FAM227B: variants seen among roughly 807,000 people sequenced by gnomAD.
FAM227B encodes the protein protein FAM227B.
A neutral mutation model predicts 73.8 loss-of-function variants in FAM227B; 88 were observed. That is an observed-to-expected ratio of 1.19 (90% CI 1.00 to 1.42). The LOEUF (loss-of-function observed/expected upper bound fraction) is 1.42. FAM227B is among the 40% of genes most tolerant of loss of function. FAM227B has a pLI of 0.00. For missense variants in FAM227B, 632 were observed against 590.9 expected, an observed-to-expected ratio of 1.07 and a Z score of -0.72; for synonymous variants, 210 against 190.5, an observed-to-expected ratio of 1.10 and a Z score of -0.84.
chr15:49,346,602 G>A (rs1216488065), intron 13 of FAM227B, among the ~76,000 whole-genome samples: 2 of 152,072 alleles, frequency 1.3e-5, no homozygotes, highest in Non-Finnish European at 2.9e-5. Context: ...CCTGGACCTC[G>A]GTGATAACAG....
chr15:49,558,224 T>C (rs2073923554), intron 9 of FAM227B, among the ~76,000 whole-genome samples: 1 of 152,140 alleles, frequency 6.6e-6, no homozygotes, highest in African/African-American at 2.4e-5. Context: ...ACACTGCTCC[T>C]TGCAAGGCAG....
chr15:49,328,270 G>C lies in FAM227B; in HGVS notation c.*298C>G. The C allele has an allele frequency of 6.9e-7, 1 of 1,450,956 alleles. No individual in the cohort carries two copies. Among genetic ancestry groups the C allele is most frequent in the Non-Finnish European group, 9.1e-7 (1 of 1,102,300 alleles). 89.9% of individuals were successfully genotyped at this position (1,450,956 alleles called of 1,614,324 possible). On this transcript the variant is annotated 3_prime_UTR_variant, in exon 16 of 16. Transcript: ENST00000299338. ...CTGTTTTGTATTATGATGAACGGTT[G>C]CTATTATATCAAGATATATTTTCAA...
chr15:49,447,986 G>A (rs2052381156), intron 11 of FAM227B, among the ~76,000 whole-genome samples: 1 of 151,630 alleles, frequency 6.6e-6, no homozygotes, highest in Non-Finnish European at 1.5e-5. Flanking sequence ...TCATTCAAAA[G>A]CTGCTCCAGA....
At chr15:49,521,832 C>T (rs1025247522) in intron 10 of FAM227B, among the ~76,000 whole-genome samples, 1 of 152,100 alleles carries the variant, frequency 6.6e-6, no homozygotes, top group Non-Finnish European at 1.5e-5. Flanking sequence ...TTTCTACCTG[C>T]CAAAGATGAG....
intron 9 of FAM227B, among the ~76,000 whole-genome samples, chr15:49,548,279 A>C (rs1213159846): frequency 2.0e-5 from 3 of 152,200 alleles, no homozygotes; most frequent in Non-Finnish European, 4.4e-5. Context: ...TGAAATGATC[A>C]TATGGGTTTT....
rs530220350 is a variant in FAM227B at position 49,429,207 on chromosome 15, A to G, written c.1013-57808T>C. ...ATAAGTAACATATCTACGCAGTCGA[A>G]CCAAAATCCTAGCAATTATAGACAA... On this transcript the variant is annotated intron_variant, in intron 11 of 15. Transcript: ENST00000299338. Among the ~76,000 whole-genome samples, 138 of 152,120 alleles carry G rather than the reference A, an allele frequency of 9.1e-4. 5 individuals are homozygous for G. The South Asian group carries it at 0.027, about 30-fold the overall frequency.
At chr15:49,451,043 TAAATGACAGTTTAATTCAATCA>T (rs2052681124) in intron 11 of FAM227B, among the ~76,000 whole-genome samples, 1 of 152,122 alleles carries the variant, frequency 6.6e-6, no homozygotes, top group South Asian at 2.1e-4. Flanking sequence ...GGTTTTTTTT[TAAATGACAGTTTAATTCAATCA>T]AAATTTTAAG....
At chr15:49,413,218 T>C (rs1342513500) in intron 11 of FAM227B, among the ~76,000 whole-genome samples, 1 of 152,112 alleles carries the variant, frequency 6.6e-6, no homozygotes, top group Admixed American at 6.6e-5. Context: ...AAGTGAATCA[T>C]GGGGGCAGTT....
intron 11 of FAM227B, among the ~76,000 whole-genome samples, chr15:49,453,886 A>G (rs900984495): frequency 6.6e-6 from 1 of 152,146 alleles, no homozygotes; most frequent in South Asian, 2.1e-4. Context: ...GATATTACTC[A>G]GTTGACCAAA....
chr15:49,460,925 C>T (rs1020093796), intron 11 of FAM227B, among the ~76,000 whole-genome samples: 1 of 152,206 alleles, frequency 6.6e-6, no homozygotes, highest in Non-Finnish European at 1.5e-5. Flanking sequence ...TAAAGGAATA[C>T]TGTCCAAGCC....
In FAM227B at chr15:49,593,724, T is replaced by C. The variant is rs118125553; in HGVS notation, c.106-3717A>G. 5.2e-3 allele frequency among the ~76,000 whole-genome samples: 788 copies of C among 152,362 alleles called. 4 individuals carry two copies. Among genetic ancestry groups the C allele is most frequent in the Middle Eastern group, 0.01 (3 of 294 alleles). ...CATTCTTAAGTTACTTCACTTAGAA[T>C]AATGGCTCCAACTCCATCCAGGTTG... On this transcript the variant is annotated intron_variant, in intron 3 of 15. Coordinates refer to ENST00000299338, the MANE Select transcript of FAM227B (RefSeq NM_152647.3).
At position 49,619,462 on chromosome 15, in the gene FAM227B, T is replaced by C. The variant is rs917457106; in HGVS notation, c.-73+1238A>G. Among the ~76,000 whole-genome samples, 3 of 152,202 alleles carry C rather than the reference T, an allele frequency of 2.0e-5. 1 individual carries two copies. The highest frequency in any genetic ancestry group is 7.2e-5 in the African/African-American group (3 of 41,446). On this transcript the variant is annotated intron_variant, in intron 1 of 15. Coordinates refer to ENST00000299338, the MANE Select transcript of FAM227B (RefSeq NM_152647.3). ...CTGAGTTTAAGCTAAGAAGTCTGAC[T>C]ACCTTGCTGCCATACTGTGAGGAAA...
At position 49,363,953 on chromosome 15, in the gene FAM227B, A is replaced by G. The variant is rs140549820; in HGVS notation, c.1271+3495T>C. Among the ~76,000 whole-genome samples the G allele has an allele frequency of 1.5e-3, 230 of 152,238 alleles. 1 individual carries two copies. Among genetic ancestry groups the G allele is most frequent in the African/African-American group, 5.1e-3 (214 of 41,566 alleles). On this transcript the variant is annotated intron_variant, in intron 13 of 15. Coordinates refer to ENST00000299338, the MANE Select transcript of FAM227B (RefSeq NM_152647.3). Reference sequence around the variant, plus strand: ...CACATGTTGCATGAACCTTGTGTCCAAGAGGTAAAGCCTACTTTGTCATGG... The same window carrying G: ...CACATGTTGCATGAACCTTGTGTCCGAGAGGTAAAGCCTACTTTGTCATGG...
At chr15:49,411,969 T>C (rs1429113488) in intron 11 of FAM227B, among the ~76,000 whole-genome samples, 3 of 152,144 alleles carry the variant, frequency 2.0e-5, no homozygotes, top group Non-Finnish European at 4.4e-5. Context: ...TAATAAGCTA[T>C]TTCCATATTC....
intron 9 of FAM227B, among the ~76,000 whole-genome samples, chr15:49,549,860 C>T (rs1371094672): frequency 2.0e-5 from 3 of 152,026 alleles, no homozygotes; most frequent in Non-Finnish European, 4.4e-5. Flanking sequence ...GGGTGGTGGC[C>T]GGGCAGAGGG....
chr15:49,393,877 T>C (rs2047385464), intron 11 of FAM227B, among the ~76,000 whole-genome samples: 1 of 152,146 alleles, frequency 6.6e-6, no homozygotes, highest in South Asian at 2.1e-4. Context: ...TAAAACATAA[T>C]CTAAGAACCA....
intron 10 of FAM227B, among the ~76,000 whole-genome samples, chr15:49,510,930 T>G (rs1439922044): frequency 6.6e-6 from 1 of 152,032 alleles, no homozygotes; most frequent in African/African-American, 2.4e-5. Flanking sequence ...ATGATACAAT[T>G]CTGTTTCTTA....
chr15:49,497,579 T>G (rs1314611585), intron 11 of FAM227B, among the ~76,000 whole-genome samples: 1 of 152,192 alleles, frequency 6.6e-6, no homozygotes, highest in Non-Finnish European at 1.5e-5. Flanking sequence ...AAAAGTAGAT[T>G]AAAGCTCTGG....
At chr15:49,547,484 C>T (rs1315276045) in intron 9 of FAM227B, among the ~76,000 whole-genome samples, 1 of 152,052 alleles carries the variant, frequency 6.6e-6, no homozygotes, top group East Asian at 1.9e-4. Context: ...CACAGACTGG[C>T]AAATTGGATA....
Sources: gnomAD v4.1 joint callset for allele counts (sites outside exome capture counted in the v4.1 genomes callset) on GRCh38, gnomAD v4.1.1 for gene constraint, MANE v1.5 for transcripts, NCBI Gene and HGNC (gene_info 2026-07-23, HGNC 2026-07-21) for gene names.